Variants in PKNOX2 observed in about 807,000 individuals in gnomAD.
The protein encoded by PKNOX2 is PBX/knotted 1 homeobox 2.
Under a neutral mutation model 53.1 loss-of-function variants are expected in PKNOX2, and 14 were observed. That is an observed-to-expected ratio of 0.26 (90% CI 0.17 to 0.41). The LOEUF is 0.41. Among genes scored for constraint, PKNOX2 ranks in the 10% least tolerant of loss-of-function variants. PKNOX2 has a pLI of 1.00. For synonymous variants in PKNOX2, 257 were observed against 242.8 expected, an observed-to-expected ratio of 1.06 and a Z score of -0.54; for missense variants, 496 against 602.8, an observed-to-expected ratio of 0.82 and a Z score of 1.85.
At chr11:125,315,316 A>C (rs552183946) in intron 2 of PKNOX2, among the ~76,000 whole-genome samples, 32 of 151,614 alleles carry the variant, frequency 2.1e-4, no homozygotes, top group East Asian at 1.2e-3. Context: ...AAAAAAAAAA[A>C]AAAAAAAAAA....
At chr11:125,181,843 AT>A (rs1235179563) in intron 1 of PKNOX2, among the ~76,000 whole-genome samples, 1 of 152,214 alleles carries the variant, frequency 6.6e-6, no homozygotes, top group East Asian at 1.9e-4. Context: ...TGCAATCAGC[AT>A]TTCATGGCTC....
intron 5 of PKNOX2, among the ~76,000 whole-genome samples, chr11:125,377,977 A>G (rs928269009): frequency 1.3e-5 from 2 of 152,206 alleles, no homozygotes; most frequent in African/African-American, 2.4e-5. Flanking sequence ...CGCTGGCTTC[A>G]TTTCACCATC....
intron 1 of PKNOX2, among the ~76,000 whole-genome samples, chr11:125,200,985 C>T (rs57138233): frequency 3.3e-5 from 5 of 152,306 alleles, no homozygotes; most frequent in East Asian, 3.9e-4. Flanking sequence ...GTGAATGAAT[C>T]GTGAGTCTCT....
intron 7 of PKNOX2, among the ~76,000 whole-genome samples, chr11:125,402,654 T>C (rs1042810416): frequency 6.6e-6 from 1 of 152,134 alleles, no homozygotes; most frequent in Non-Finnish European, 1.5e-5. Context: ...ATAAATCATG[T>C]CAGCCGTGAA....
At chr11:125,211,548 G>A (rs976307948) in intron 1 of PKNOX2, among the ~76,000 whole-genome samples, 1 of 152,102 alleles carries the variant, frequency 6.6e-6, no homozygotes, top group African/African-American at 2.4e-5. Flanking sequence ...GGCAGAGAGC[G>A]ACTGGGGCCT....
chr11:125,234,404 T>A (rs1942493327), intron 1 of PKNOX2, among the ~76,000 whole-genome samples: 1 of 152,206 alleles, frequency 6.6e-6, no homozygotes, highest in South Asian at 2.1e-4. Flanking sequence ...TTTACAAAAT[T>A]GTATTATCTC....
chr11:125,218,787 C>T (rs1258734796), intron 1 of PKNOX2, among the ~76,000 whole-genome samples: 2 of 152,080 alleles, frequency 1.3e-5, no homozygotes, highest in East Asian at 3.8e-4. Flanking sequence ...GCAGCAAATC[C>T]AACCCAAAAA....
chr11:125,247,262 T>A (rs142981243), intron 2 of PKNOX2, among the ~76,000 whole-genome samples: 1 of 152,316 alleles, frequency 6.6e-6, no homozygotes, highest in East Asian at 1.9e-4. Context: ...CTACACCCCA[T>A]GTTTACCTGG....
At chr11:125,250,680 A>C (rs969811930) in intron 2 of PKNOX2, among the ~76,000 whole-genome samples, 43 of 152,338 alleles carry the variant, frequency 2.8e-4, no homozygotes, top group African/African-American at 1.0e-3. Context: ...CCTGTGTTGA[A>C]ATTTCAGAAC....
intron 2 of PKNOX2, among the ~76,000 whole-genome samples, chr11:125,307,071 T>A (rs1326028404): frequency 6.6e-6 from 1 of 152,192 alleles, no homozygotes. Context: ...TATTTGTTTT[T>A]CGTTTCTGTG....
At chr11:125,221,537 C>T (rs1369330225) in intron 1 of PKNOX2, among the ~76,000 whole-genome samples, 4 of 151,936 alleles carry the variant, frequency 2.6e-5, no homozygotes, top group Non-Finnish European at 4.4e-5. Flanking sequence ...GTGTTGGAGG[C>T]GTATAAGTCA....
At chr11:125,339,439 G>C (rs148128642) in intron 3 of PKNOX2, among the ~76,000 whole-genome samples, 1 of 152,314 alleles carries the variant, frequency 6.6e-6, no homozygotes, top group Non-Finnish European at 1.5e-5. Flanking sequence ...CACTGGACAC[G>C]CTTTCCCAAG....
intron 4 of PKNOX2, among the ~76,000 whole-genome samples, chr11:125,356,086 A>G (rs1951597333): frequency 6.9e-6 from 1 of 144,322 alleles, no homozygotes; most frequent in Admixed American, 6.9e-5. Flanking sequence ...TTCCACAAAT[A>G]TCTTTGCCCT....
chr11:125,271,725 A>T (rs1235320061), intron 2 of PKNOX2, among the ~76,000 whole-genome samples: 10 of 152,124 alleles, frequency 6.6e-5, no homozygotes, highest in Admixed American at 6.5e-4. Context: ...TCAAGAAAAA[A>T]AAAAAATCCC....
chr11:125,408,676 G>A (rs1392361754), intron 7 of PKNOX2, among the ~76,000 whole-genome samples: 3 of 152,226 alleles, frequency 2.0e-5, no homozygotes, highest in African/African-American at 7.2e-5. Context: ...ATAAATCAGT[G>A]CCGACTTCCA....
At chr11:125,200,564 C>T (rs984741351) in intron 1 of PKNOX2, among the ~76,000 whole-genome samples, 12 of 152,226 alleles carry the variant, frequency 7.9e-5, no homozygotes, top group African/African-American at 2.7e-4. Context: ...CCACCGCTTG[C>T]CTGGCTCATT....
intron 6 of PKNOX2, among the ~76,000 whole-genome samples, chr11:125,389,926 A>T (rs1953928973): frequency 6.6e-6 from 1 of 152,082 alleles, no homozygotes; most frequent in Non-Finnish European, 1.5e-5. Context: ...CCCTGGGCCC[A>T]CTCTGAAGAG....
intron 12 of PKNOX2, 90 bp downstream of exon 12, chr11:125,430,231 A>C: frequency 6.9e-7 from 1 of 1,445,766 alleles, no homozygotes; most frequent in South Asian, 1.4e-5. Context: ...TTCAAGGGCT[A>C]TCTCCTTACC....
intron 1 of PKNOX2, among the ~76,000 whole-genome samples, chr11:125,181,368 C>G (rs958778337): frequency 2.0e-5 from 3 of 152,216 alleles, no homozygotes; most frequent in African/African-American, 7.2e-5. Context: ...ACACTGCAGG[C>G]TGGAGTAGTC....
Sources: allele counts gnomAD v4.1 joint callset (sites outside exome capture counted in the v4.1 genomes callset), GRCh38; gene constraint gnomAD v4.1.1; transcripts MANE v1.5; gene names NCBI Gene and HGNC (gene_info 2026-07-23, HGNC 2026-07-21).